Variants in NXPE3 observed in about 807,000 individuals in gnomAD.
NXPE3 encodes NXPE family member 3.
A neutral mutation model predicts 46.1 loss-of-function variants in NXPE3; 26 were observed. That is an observed-to-expected ratio of 0.56 (90% confidence interval 0.41 to 0.78). The LOEUF (loss-of-function observed/expected upper bound fraction) is 0.78. NXPE3 is among the 30% of genes least tolerant of loss of function. The pLI, the probability that NXPE3 is intolerant of heterozygous loss-of-function variation, is 0.00. For missense variants in NXPE3, 620 were observed against 686.0 expected, an observed-to-expected ratio of 0.90 and a Z score of 1.07; for synonymous variants, 272 against 257.9, an observed-to-expected ratio of 1.05 and a Z score of -0.52.
At chr3:101,789,889 C>G (rs944785705) in intron 4 of NXPE3, among the ~76,000 whole-genome samples, 4 of 152,086 alleles carry the variant, frequency 2.6e-5, no homozygotes, top group African/African-American at 9.7e-5. Flanking sequence ...TGGGGTCTCA[C>G]TATGTTGTCC....
At chr3:101,807,811 A>G (rs935998737) in intron 6 of NXPE3, among the ~76,000 whole-genome samples, 1 of 152,154 alleles carries the variant, frequency 6.6e-6, no homozygotes, top group Non-Finnish European at 1.5e-5. Context: ...CAATAACTAT[A>G]TGTAGACAGC....
intron 3 of NXPE3, among the ~76,000 whole-genome samples, chr3:101,785,046 A>C (rs573123790): frequency 6.6e-6 from 1 of 152,336 alleles, no homozygotes; most frequent in Non-Finnish European, 1.5e-5. Context: ...TACATAACTT[A>C]AAGGGAAGGG....
intron 1 of NXPE3, among the ~76,000 whole-genome samples, chr3:101,780,492 C>G (rs1326109240): frequency 6.6e-6 from 1 of 152,130 alleles, no homozygotes; most frequent in Non-Finnish European, 1.5e-5. Context: ...CCAACTGAAA[C>G]GAATAACAGT....
At chr3:101,815,994 C>T (rs1423604421) in intron 6 of NXPE3, among the ~76,000 whole-genome samples, 7 of 148,058 alleles carry the variant, frequency 4.7e-5, no homozygotes, top group African/African-American at 7.5e-5. Context: ...GACTCTGTCT[C>T]GGAAAAAAAA....
chr3:101,792,041 AT>A (rs1446823370), intron 4 of NXPE3, among the ~76,000 whole-genome samples: 1 of 151,926 alleles, frequency 6.6e-6, no homozygotes, highest in Non-Finnish European at 1.5e-5. Context: ...GATCAGTGAT[AT>A]TGAGCTCTTT....
rs545514184 is a variant in NXPE3, at chr3:101,801,086, A to T, written c.94-149A>T. ...TTCCCTTTCTCTTCCCGGAAGCCCA[A>T]GGGGATTTTTCTTTGATATTCACTG... On this transcript the variant is annotated intron_variant, in intron 4 of 7. Transcript: ENST00000273347. 45 of 837,962 alleles carry T rather than the reference A, an allele frequency of 5.4e-5. No individual in the cohort carries two copies. The African/African-American group carries it at 7.0e-4, about 13-fold the overall frequency. 51.9% of individuals were successfully genotyped at this position (837,962 alleles called of 1,614,324 possible).
Position 101,808,854 on chromosome 3 carries a change from T to TATATATACACATATATATATAC in NXPE3, c.922+1730_922+1731insATATACACATATATATATACAT, listed in dbSNP as rs770360739. On this transcript the variant is annotated intron_variant, in intron 6 of 7. Transcript: ENST00000273347. ...ATATATATATATATATATATATATA[T>TATATATACACATATATATATAC]ATGAGACATTTATCTTTTATCTGTT... is the stretch of plus-strand genomic sequence containing the variant. 5.2e-3 allele frequency among the ~76,000 whole-genome samples: 523 copies of TATATATACACATATATATATAC among 100,326 alleles called. 26 individuals are homozygous for TATATATACACATATATATATAC. Among genetic ancestry groups the TATATATACACATATATATATAC allele is most frequent in the Non-Finnish European group, 6.4e-3 (306 of 48,094 alleles). The allele number at this position is 100,326 out of a possible 152,430, so 65.8% of individuals were successfully genotyped here.
intron 7 of NXPE3, 129 bp from the exon 8 acceptor site, chr3:101,821,275 T>C: frequency 1.4e-6 from 1 of 692,792 alleles, no homozygotes; most frequent in Non-Finnish European, 2.4e-6. Flanking sequence ...GTATTCCCTT[T>C]ACATTTATAT....
At chr3:101,820,656 GAA>G (rs1357301655) in intron 7 of NXPE3, among the ~76,000 whole-genome samples, 2 of 152,190 alleles carry the variant, frequency 1.3e-5, no homozygotes, top group African/African-American at 4.8e-5. Flanking sequence ...ACTGGATAAA[GAA>G]AATGTGGTAC....
chr3:101,803,277 C>T (rs1047093634), intron 5 of NXPE3, among the ~76,000 whole-genome samples: 1 of 152,098 alleles, frequency 6.6e-6, no homozygotes, highest in African/African-American at 2.4e-5. Context: ...AAATAAAACT[C>T]TTCAGTTTTC....
Position 101,801,516 on chromosome 3 carries a change from G to T in NXPE3, c.375G>T (p.Val125=). 3.7e-6 allele frequency: 6 copies of T among 1,614,194 alleles called. No homozygotes were observed. The highest frequency in any genetic ancestry group is 5.1e-6 in the Non-Finnish European group (6 of 1,180,038). The change falls in exon 5 of 8, where the codon GTG becomes GTT. Residue 125 remains valine (V), a synonymous_variant. Coordinates refer to ENST00000273347, the MANE Select transcript of NXPE3 (RefSeq NM_145037.4). ...TTAAGGTGGGAAGCCAGCTTGAGGTGCTGGTTCATGTGCAGGATTTTCAAA... is the reference window on the plus strand; with the variant it reads ...TTAAGGTGGGAAGCCAGCTTGAGGTTCTGGTTCATGTGCAGGATTTTCAAA... The part of the protein sequence containing the change: ...AFFKVGSQLE[V]LVHVQDFQRK...
At chr3:101,819,956 C>G (rs984269055) in intron 7 of NXPE3, among the ~76,000 whole-genome samples, 2 of 152,106 alleles carry the variant, frequency 1.3e-5, no homozygotes, top group Non-Finnish European at 2.9e-5. Context: ...TTTTTAAGTT[C>G]CACATATAAG....
intron 5 of NXPE3, among the ~76,000 whole-genome samples, chr3:101,802,292 T>TAAGTA (rs927093474): frequency 1.9e-4 from 29 of 152,174 alleles, no homozygotes; most frequent in African/African-American, 7.0e-4. Flanking sequence ...AGTAGCTGTG[T>TAAGTA]AAGTAAAATC....
At chr3:101,821,053 T>G (rs965834560) in intron 7 of NXPE3, among the ~76,000 whole-genome samples, 1 of 152,206 alleles carries the variant, frequency 6.6e-6, no homozygotes, top group Non-Finnish European at 1.5e-5. Flanking sequence ...TAAAAAAGAT[T>G]GCAATGATCA....
chr3:101,797,875 C>T (rs1399310843), intron 4 of NXPE3, among the ~76,000 whole-genome samples: 1 of 51,058 alleles, frequency 2.0e-5, no homozygotes, highest in African/African-American at 8.0e-5. Context: ...AATAATGCCG[C>T]AATAAACATA....
chr3:101,796,030 G>C (rs777506710), intron 4 of NXPE3, among the ~76,000 whole-genome samples: 10 of 152,210 alleles, frequency 6.6e-5, no homozygotes, highest in South Asian at 4.1e-4. Flanking sequence ...CTGTTACCAA[G>C]GGGAATTAGT....
intron 6 of NXPE3, among the ~76,000 whole-genome samples, chr3:101,813,953 G>T (rs1233682634): frequency 6.6e-6 from 1 of 152,078 alleles, no homozygotes; most frequent in Non-Finnish European, 1.5e-5. Context: ...TAAAAAATAT[G>T]ATTTTTTTCT....
intron 7 of NXPE3, among the ~76,000 whole-genome samples, chr3:101,819,808 G>A (rs1343346423): frequency 6.6e-6 from 1 of 152,126 alleles, no homozygotes; most frequent in Non-Finnish European, 1.5e-5. Flanking sequence ...TATGATACAT[G>A]ATTATTTACT....
chr3:101,784,595 T>C (rs1305011249), intron 3 of NXPE3, among the ~76,000 whole-genome samples: 1 of 152,062 alleles, frequency 6.6e-6, no homozygotes, highest in Admixed American at 6.6e-5. Context: ...TCATGGAAAG[T>C]CTCCCTGGGG....
Sources: gnomAD v4.1 joint callset for allele counts (sites outside exome capture counted in the v4.1 genomes callset) on GRCh38, gnomAD v4.1.1 for gene constraint, MANE v1.5 for transcripts, NCBI Gene and HGNC (gene_info 2026-07-23, HGNC 2026-07-21) for gene names.